Variants in PECR observed in about 807,000 individuals in gnomAD.
PECR encodes 2,4-dienoyl-CoA reductase-related protein.
PECR carries 30 observed loss-of-function variants against 35.3 expected under a neutral mutation model. That is an observed-to-expected ratio of 0.85 (90% CI 0.64 to 1.15). The LOEUF (loss-of-function observed/expected upper bound fraction) is 1.15, where lower values mean the gene tolerates loss of function less well. Ranked by LOEUF, PECR falls within the 50% of genes most tolerant of loss-of-function variation. The pLI, the probability that PECR is intolerant of heterozygous loss-of-function variation, is 0.00. For synonymous variants in PECR, 148 were observed against 138.9 expected (o/e 1.07, Z -0.46); for missense variants, 392 against 370.8 (o/e 1.06, Z -0.47).
At chr2:216,055,193 A>T (rs1011759035) in intron 4 of PECR, among the ~76,000 whole-genome samples, 5 of 151,852 alleles carry the variant, frequency 3.3e-5, no homozygotes. Context: ...ATCTCAGCAC[A>T]TTGAGAGGCC....
chr2:216,062,322 AGGCATGAGCCAT>A (rs1695373313), intron 3 of PECR, among the ~76,000 whole-genome samples: 2 of 152,198 alleles, frequency 1.3e-5, no homozygotes, highest in Non-Finnish European at 2.9e-5. Flanking sequence ...CTGAGATTAC[AGGCATGAGCCAT>A]CACGCCTGGC....
chr2:216,055,337 TG>T (rs1164086851), intron 4 of PECR, among the ~76,000 whole-genome samples: 3 of 151,446 alleles, frequency 2.0e-5, no homozygotes, highest in African/African-American at 7.3e-5. Context: ...CTCAGGAAGC[TG>T]AGGCAGGAGA....
At chr2:216,074,893 A>C (rs1028015307) in intron 1 of PECR, among the ~76,000 whole-genome samples, 1 of 152,248 alleles carries the variant, frequency 6.6e-6, no homozygotes, top group African/African-American at 2.4e-5. Flanking sequence ...ATGGCCATTC[A>C]GGAAATGGTT....
intron 7 of PECR, among the ~76,000 whole-genome samples, chr2:216,032,199 C>CA (rs1244166136): frequency 6.6e-6 from 1 of 152,240 alleles, no homozygotes; most frequent in African/African-American, 2.4e-5. Flanking sequence ...AAAGCTGACT[C>CA]TGTTGAGTCA....
chr2:216,071,861 A>C (rs1393004295), intron 1 of PECR, among the ~76,000 whole-genome samples: 5 of 152,158 alleles, frequency 3.3e-5, no homozygotes, highest in Non-Finnish European at 1.5e-5. Flanking sequence ...TTTGTCCCTG[A>C]AAGTCCCGTT....
chr2:216,047,341 T>C (rs1020833971), intron 6 of PECR, among the ~76,000 whole-genome samples: 4 of 152,106 alleles, frequency 2.6e-5, no homozygotes, highest in Admixed American at 1.3e-4. Context: ...ACCAAACTGA[T>C]AATAAAAGCT....
downstream of PECR, among the ~76,000 whole-genome samples, chr2:216,037,845 G>T (rs1486718746): frequency 6.6e-6 from 1 of 151,972 alleles, no homozygotes; most frequent in Non-Finnish European, 1.5e-5. Context: ...AGCAATTTGG[G>T]AGGCCAAAGC....
chr2:216,065,237 C>G, intron 3 of PECR, 75 bp downstream of exon 3: 1 of 958,744 alleles, frequency 1.0e-6, no homozygotes, highest in Non-Finnish European at 1.7e-6. Flanking sequence ...TGACATGGGG[C>G]TTCTGAGTCC....
intron 7 of PECR, among the ~76,000 whole-genome samples, chr2:216,029,161 A>C (rs1365222495): frequency 2.0e-5 from 3 of 152,248 alleles, no homozygotes; most frequent in Non-Finnish European, 2.9e-5. Flanking sequence ...GGATGAAAGC[A>C]GCTTGATGGC....
Position 216,052,360 on chromosome 2 carries a change from ATTAT to A in PECR, c.507-819_507-816del, listed in dbSNP as rs200779541. 1.2e-4 allele frequency among the ~76,000 whole-genome samples: 18 copies of A among 152,360 alleles called. No individual in the cohort carries two copies. The East Asian group carries it at 3.5e-3, about 29-fold the overall frequency. ...TTTGAAATCAGCTGGTAAAAAACAG[ATTAT>A]TTAGTAAATAATGGACTTCCTTTAA... On this transcript the variant is annotated intron_variant, in intron 4 of 7. Coordinates refer to ENST00000265322, the MANE Select transcript of PECR (RefSeq NM_018441.6).
rs1299134727 is a variant in PECR at position 216,030,942 on chromosome 2, TCTCTCTCTCTCTCTCA to T, written c.*440+8233_*440+8248del. The stretch of plus-strand genomic sequence containing the variant: ...ATGAGGCCCATTCTCTCTCTCTCTC[TCTCTCTCTCTCTCTCA>T]CACACACACACACACACACACACAC... On this transcript the variant is annotated intron_variant and NMD_transcript_variant, in intron 7 of 7. Coordinates refer to the PECR transcript ENST00000442122. Among the ~76,000 whole-genome samples the T allele has an allele frequency of 7.7e-4, 47 of 61,306 alleles. No homozygotes were observed. In the East Asian group the frequency reaches 8.8e-3, roughly 11 times the overall value. The allele number at this position is 61,306 out of a possible 152,430, so 40.2% of individuals were successfully genotyped here.
At chr2:216,071,631 G>C (rs1028619404) in intron 1 of PECR, among the ~76,000 whole-genome samples, 4 of 152,046 alleles carry the variant, frequency 2.6e-5, no homozygotes, top group Non-Finnish European at 5.9e-5. Flanking sequence ...ATATTCTCCT[G>C]GTTCAAAAAC....
chr2:216,047,444 AC>A (rs373994829), intron 6 of PECR, among the ~76,000 whole-genome samples: 90 of 152,312 alleles, frequency 5.9e-4, no homozygotes, highest in African/African-American at 1.9e-3. Flanking sequence ...TGTATATAAT[AC>A]AGGATAGGGA....
chr2:216,039,473 A>T lies in PECR; in HGVS notation c.827-113T>A, dbSNP rs577147431. The stretch of plus-strand genomic sequence containing the variant: ...TTCACACATTTTCTCAGCACCAAAA[A>T]ATAAATCCTTAGGGCAAACATTTGA... On this transcript the variant is annotated intron_variant, in intron 7 of 7. Transcript: ENST00000265322. 1.1e-5 allele frequency: 8 copies of T among 741,944 alleles called. No individual in the cohort carries two copies. The African/African-American group carries it at 1.4e-4, about 13-fold the overall frequency. 46.0% of individuals were successfully genotyped at this position (741,944 alleles called of 1,614,324 possible). A position where few individuals can be genotyped will look rare whatever the true frequency, so the allele number is the denominator to read the frequency against.
Position 216,043,947 on chromosome 2 carries a change from C to A in PECR, c.783G>T (p.Val261=). Residue 261 remains valine, a synonymous_variant, in exon 7 of 8, where the codon GTG becomes GTT. Coordinates refer to ENST00000265322, the MANE Select transcript of PECR (RefSeq NM_018441.6). The stretch of plus-strand genomic sequence containing the variant: ...GAGTATAGAGACTCCGGCCCCCATC[C>A]ACATCCACCGACTGTCCAGTGATGA... ...ASFITGQSVD[V]DGGRSLYTHS... The A allele has an allele frequency of 6.2e-7, 1 of 1,612,314 alleles. No individual in the cohort carries two copies. The highest frequency in any genetic ancestry group is 8.5e-7 in the Non-Finnish European group (1 of 1,178,366).
At chr2:216,047,172 C>T (rs994071761) in intron 6 of PECR, among the ~76,000 whole-genome samples, 1 of 151,502 alleles carries the variant, frequency 6.6e-6, no homozygotes, top group African/African-American at 2.4e-5. Context: ...GCAGGAGAAT[C>T]GCTTAAACCC....
intron 7 of PECR, among the ~76,000 whole-genome samples, chr2:216,031,665 A>AAGAGAGAAAGAAAGAAAGAAAGAAAG (rs1218609784): frequency 1.2e-5 from 1 of 84,862 alleles, no homozygotes; most frequent in African/African-American, 4.3e-5. Flanking sequence ...GAAAGAAAGA[A>AAGAGAGAAAGAAAGAAAGAAAGAAAG]AGAAAGAAAG....
intron 4 of PECR, among the ~76,000 whole-genome samples, chr2:216,055,716 C>A (rs182053115): frequency 6.6e-6 from 1 of 152,238 alleles, no homozygotes; most frequent in South Asian, 2.1e-4. Context: ...ATGCACAGCC[C>A]CAGAGCCCCA....
At chr2:216,036,432 CA>C (rs1164949984), downstream of PECR, among the ~76,000 whole-genome samples, 1 of 152,190 alleles carries the variant, frequency 6.6e-6, no homozygotes, top group Admixed American at 6.5e-5. Context: ...TGCCAGGGGA[CA>C]TAAGGTCCCA....
Sources: allele counts gnomAD v4.1 joint callset (sites outside exome capture counted in the v4.1 genomes callset), GRCh38; gene constraint gnomAD v4.1.1; transcripts MANE v1.5; gene names NCBI Gene and HGNC (gene_info 2026-07-23, HGNC 2026-07-21).